Variants in PKHD1 observed in about 807,000 individuals in gnomAD.
The protein encoded by PKHD1 is fibrocystin.
PKHD1 carries 291 observed loss-of-function variants against 412.0 expected under a neutral mutation model. The observed-to-expected ratio is 0.71, with a 90% CI of 0.64 to 0.78. The LOEUF is 0.78. Among genes scored for constraint, PKHD1 ranks in the 30% least tolerant of loss-of-function variants. The pLI, the probability that PKHD1 is intolerant of heterozygous loss-of-function variation, is 0.00. For synonymous variants in PKHD1, 1,777 were observed against 1,821.5 expected (o/e 0.98, Z 0.62); for missense variants, 4,825 against 4,950.7 (o/e 0.97, Z 0.76).
chr6:51,978,718 A>G (rs1405894217), intron 35 of PKHD1, among the ~76,000 whole-genome samples: 2 of 152,156 alleles, frequency 1.3e-5, no homozygotes, highest in Non-Finnish European at 2.9e-5. Flanking sequence ...TGCTCATCTC[A>G]CAAACACTGT....
rs201812542 is a variant in PKHD1 at position 51,619,164 on chromosome 6, G to A, written c.12142C>T (p.Gln4048Ter). The change falls in exon 67 of 67, where the codon CAA becomes TAA. Residue 4048 changes from glutamine (Q) to a stop codon, truncating the protein, a stop_gained. Transcript: ENST00000371117. LOFTEE classifies it low-confidence loss of function (END_TRUNC). ...SKQSGSLGLS[Q>*]EKKASCGATE... ...GCCCCGCAGGAGGCTTTCTTCTCTT[G>A]GGAAAGCCCCAAGCTGCCACTTTGC... 3.4e-4 allele frequency: 542 copies of A among 1,614,028 alleles called. No individual in the cohort carries two copies. Among genetic ancestry groups the A allele is most frequent in the Non-Finnish European group, 4.4e-4 (514 of 1,179,964 alleles).
chr6:51,635,931 C>T (rs1251206474), intron 64 of PKHD1, among the ~76,000 whole-genome samples: 1 of 151,618 alleles, frequency 6.6e-6, no homozygotes, highest in Non-Finnish European at 1.5e-5. Flanking sequence ...CAGCAGCAGC[C>T]CCTGAGGGCC....
chr6:51,716,927 T>C (rs573687954), intron 60 of PKHD1, among the ~76,000 whole-genome samples: 2 of 151,982 alleles, frequency 1.3e-5, no homozygotes, highest in African/African-American at 4.8e-5. Flanking sequence ...AGAGGGCAAA[T>C]AGCATTGAAC....
At chr6:51,960,262 G>GA (rs1442834375) in intron 35 of PKHD1, among the ~76,000 whole-genome samples, 1 of 151,962 alleles carries the variant, frequency 6.6e-6, no homozygotes. Flanking sequence ...ACCTAAACAG[G>GA]AAAAAACATG....
At chr6:51,764,718 T>C (rs75112521) in intron 55 of PKHD1, among the ~76,000 whole-genome samples, 3,042 of 152,272 alleles carry the variant, frequency 0.02, 325 homozygotes, top group Admixed American at 0.18. Context: ...CCAATGTATG[T>C]GGCCCTGACA....
intron 37 of PKHD1, among the ~76,000 whole-genome samples, chr6:51,926,886 T>C (rs1785724920): frequency 6.6e-6 from 1 of 152,068 alleles, no homozygotes; most frequent in Non-Finnish European, 1.5e-5. Flanking sequence ...GAGCCAAGGG[T>C]CAGTCTCCAT....
intron 66 of PKHD1, among the ~76,000 whole-genome samples, chr6:51,625,382 GA>G (rs1261906263): frequency 6.6e-6 from 1 of 152,142 alleles, no homozygotes; most frequent in Non-Finnish European, 1.5e-5. Flanking sequence ...AATTTCCAAA[GA>G]AAAGCAGGAG....
intron 46 of PKHD1, among the ~76,000 whole-genome samples, chr6:51,880,919 T>G (rs1216674096): frequency 8.3e-5 from 12 of 145,424 alleles, no homozygotes; most frequent in Admixed American, 1.4e-4. Context: ...TGAGCCAAGA[T>G]CGCGCCACTG....
In PKHD1 at chr6:52,082,380, A is replaced by G. The variant is rs1269256133; in HGVS notation, c.281+12T>C. 6.2e-7 allele frequency: 1 copy of G among 1,613,868 alleles called. No individual in the cohort carries two copies. Among genetic ancestry groups the G allele is most frequent in the Non-Finnish European group, 8.5e-7 (1 of 1,179,750 alleles). On this transcript the variant is annotated intron_variant, in intron 4 of 66. Coordinates refer to ENST00000371117, the MANE Select transcript of PKHD1 (RefSeq NM_138694.4). ...CATCCTGTCTGGTCTTCCTATTCCCAGACAGGTATACCTGGTCCGGCATGT... is the reference window on the plus strand; with the variant it reads ...CATCCTGTCTGGTCTTCCTATTCCCGGACAGGTATACCTGGTCCGGCATGT...
intron 60 of PKHD1, among the ~76,000 whole-genome samples, chr6:51,736,841 TAGAAACCTTAAAGAAAAG>T (rs1783916861): frequency 6.6e-6 from 1 of 152,114 alleles, no homozygotes; most frequent in Non-Finnish European, 1.5e-5. Flanking sequence ...AAGAGAAGCC[TAGAAACCTTAAAGAAAAG>T]ACACATTTCA....
In PKHD1 at chr6:51,852,848, C is replaced by T. The variant is rs144435605; in HGVS notation, c.7911+3045G>A. Among the ~76,000 whole-genome samples, 233 of 152,028 alleles carry T rather than the reference C, an allele frequency of 1.5e-3. 2 individuals are homozygous for T. The highest frequency in any genetic ancestry group is 5.3e-3 in the African/African-American group (219 of 41,462). On this transcript the variant is annotated intron_variant, in intron 49 of 66. Coordinates refer to ENST00000371117, the MANE Select transcript of PKHD1 (RefSeq NM_138694.4). ...CCTGAATACAGCACACTGATGGGTG[C>T]CTGACTCCTTATCCAATTTGCCAAT...
chr6:51,939,249 G>T (rs921540313), intron 36 of PKHD1, among the ~76,000 whole-genome samples: 1 of 149,226 alleles, frequency 6.7e-6, no homozygotes, highest in African/African-American at 2.5e-5. Flanking sequence ...TTCACCCTTA[G>T]TGGCAAGTAC....
At chr6:51,622,078 G>T (rs559716574) in intron 66 of PKHD1, among the ~76,000 whole-genome samples, 4 of 152,228 alleles carry the variant, frequency 2.6e-5, no homozygotes, top group South Asian at 2.1e-4. Context: ...AGGGAAAATG[G>T]GATACAATAT....
At chr6:51,856,097 A>G in intron 48 of PKHD1, 27 bp from the exon 49 acceptor site, 1 of 1,370,080 alleles carries the variant, frequency 7.3e-7, no homozygotes, top group Non-Finnish European at 1.0e-6. Context: ...AGGAAAAAAA[A>G]TGGGTTGAGA....
intron 46 of PKHD1, among the ~76,000 whole-genome samples, chr6:51,874,167 C>T (rs748089998): frequency 2.0e-5 from 3 of 152,140 alleles, no homozygotes; most frequent in African/African-American, 2.4e-5. Flanking sequence ...TGTCTGAATA[C>T]GGTATTTTTT....
At chr6:51,973,390 T>G (rs919407418) in intron 35 of PKHD1, among the ~76,000 whole-genome samples, 1 of 152,216 alleles carries the variant, frequency 6.6e-6, no homozygotes, top group Non-Finnish European at 1.5e-5. Flanking sequence ...TTGTATGCAA[T>G]TCACATAATG....
At chr6:51,991,058 G>A (rs1796986327) in intron 35 of PKHD1, among the ~76,000 whole-genome samples, 1 of 152,176 alleles carries the variant, frequency 6.6e-6, no homozygotes, top group South Asian at 2.1e-4. Context: ...TTAATGAAGA[G>A]TTAGTTGCTC....
At chr6:52,086,038 T>C (rs916843872) in intron 1 of PKHD1, among the ~76,000 whole-genome samples, 18 of 147,326 alleles carry the variant, frequency 1.2e-4, no homozygotes, top group African/African-American at 3.7e-4. Context: ...TTATTACATA[T>C]AAATATATAA....
At chr6:52,041,064 A>G (rs559457497) in intron 27 of PKHD1, among the ~76,000 whole-genome samples, 6 of 152,362 alleles carry the variant, frequency 3.9e-5, no homozygotes, top group South Asian at 2.1e-4. Context: ...ACCTTAAAGA[A>G]GACAATGCTA....
Sources: allele counts gnomAD v4.1 joint callset (sites outside exome capture counted in the v4.1 genomes callset), GRCh38; gene constraint gnomAD v4.1.1; transcripts MANE v1.5; gene names NCBI Gene and HGNC (gene_info 2026-07-23, HGNC 2026-07-21).